RPH3A: variants seen among roughly 807,000 people sequenced by gnomAD.
The protein encoded by RPH3A is rabphilin 3A, also known as rabphilin-3A.
Under a neutral mutation model 102.2 loss-of-function variants are expected in RPH3A, and 48 were observed. The observed-to-expected ratio is 0.47, with a 90% confidence interval of 0.37 to 0.60. The LOEUF is 0.60. Ranked by LOEUF, RPH3A falls within the 20% of genes least tolerant of loss-of-function variation. The pLI is 0.00. For synonymous variants in RPH3A, 310 were observed against 324.3 expected, an observed-to-expected ratio of 0.96 and a Z score of 0.47; for missense variants, 781 against 910.1, an observed-to-expected ratio of 0.86 and a Z score of 1.83.
chr12:112,760,108 A>G (rs920790406), intron 1 of RPH3A, among the ~76,000 whole-genome samples: 1 of 152,134 alleles, frequency 6.6e-6, no homozygotes, highest in Non-Finnish European at 1.5e-5. Context: ...AATAAGATAA[A>G]ACACACATTG....
At chr12:112,659,288 C>G (rs955107408) in intron 1 of RPH3A, among the ~76,000 whole-genome samples, 2 of 152,212 alleles carry the variant, frequency 1.3e-5, no homozygotes, top group Non-Finnish European at 2.9e-5. Context: ...AATCAGGCAT[C>G]ACATTTACTT....
intron 4 of RPH3A, among the ~76,000 whole-genome samples, chr12:112,843,083 C>T (rs530090060): frequency 2.6e-5 from 4 of 152,268 alleles, no homozygotes; most frequent in Middle Eastern, 3.4e-3. Flanking sequence ...TCTCCGGCTT[C>T]GGTCTTTAAC....
intron 2 of RPH3A, among the ~76,000 whole-genome samples, chr12:112,823,851 G>C (rs1014224994): frequency 2.0e-5 from 3 of 152,182 alleles, no homozygotes; most frequent in Admixed American, 6.5e-5. Context: ...TCCTCATGAA[G>C]AGTTGGCTTT....
intron 1 of RPH3A, among the ~76,000 whole-genome samples, chr12:112,727,442 TACACACACAGACACAGACAC>T (rs1228960757): frequency 3.2e-5 from 3 of 93,828 alleles, no homozygotes; most frequent in African/African-American, 4.3e-5. Context: ...CACACATACA[TACACACACAGACACAGACAC>T]ACACACACAC....
chr12:112,844,221 C>G (rs904311603), intron 4 of RPH3A, among the ~76,000 whole-genome samples: 1 of 152,160 alleles, frequency 6.6e-6, no homozygotes, highest in African/African-American at 2.4e-5. Context: ...AGCTGTCACT[C>G]TTGGGATCAC....
At chr12:112,826,750 T>C (rs1343912358) in intron 2 of RPH3A, among the ~76,000 whole-genome samples, 1 of 152,234 alleles carries the variant, frequency 6.6e-6, no homozygotes, top group Admixed American at 6.5e-5. Flanking sequence ...ATCCATGGTG[T>C]TACATGCGCT....
intron 1 of RPH3A, among the ~76,000 whole-genome samples, chr12:112,679,994 A>G (rs1382289597): frequency 6.6e-6 from 1 of 152,242 alleles, no homozygotes; most frequent in African/African-American, 2.4e-5. Flanking sequence ...CGAGATGTGC[A>G]GGACAATGGG....
chr12:112,866,925 G>A, intron 7 of RPH3A, 85 bp downstream of exon 7: 1 of 985,694 alleles, frequency 1.0e-6, no homozygotes, highest in African/African-American at 1.6e-5. Context: ...TTGTATGAAA[G>A]GACCCAGCTC....
intron 4 of RPH3A, among the ~76,000 whole-genome samples, chr12:112,845,202 A>G (rs766372554): frequency 1.3e-5 from 2 of 152,162 alleles, no homozygotes; most frequent in Admixed American, 6.5e-5. Context: ...GGACCATCCT[A>G]GAGGCTGGCC....
chr12:112,795,907 A>G (rs2041218842), intron 2 of RPH3A, among the ~76,000 whole-genome samples: 1 of 152,236 alleles, frequency 6.6e-6, no homozygotes, highest in African/African-American at 2.4e-5. Context: ...TGATGGTAAC[A>G]GTGAAATCAC....
chr12:112,874,081 A>C (rs532178130), intron 10 of RPH3A: 3 of 152,172 alleles, frequency 2.0e-5, no homozygotes, highest in Non-Finnish European at 4.4e-5. Context: ...GTGGTAAAGC[A>C]CCTTTTGTTA....
At position 112,866,774 on chromosome 12, in the gene RPH3A, C is replaced by T. The variant is rs138324896; in HGVS notation, c.378C>T (p.Cys126=). ...EDCKKNVCTK[C]GVETNNRLHS... is the part of the protein sequence containing the mutation. The stretch of plus-strand genomic sequence containing the variant: ...ATCCACAGAACGTCTGCACCAAGTG[C>T]GGAGTGGAGACCAACAACCGCCTGC... The change falls in exon 7 of 22, where the codon TGC becomes TGT. Residue 126 remains cysteine, a synonymous_variant. Coordinates refer to ENST00000389385, the MANE Select transcript of RPH3A (RefSeq NM_001143854.2). 278 of 1,608,882 alleles carry T rather than the reference C, an allele frequency of 1.7e-4. 1 individual carries two copies. The highest frequency in any genetic ancestry group is 4.2e-4 in the East Asian group (19 of 44,844).
At chr12:112,637,810 A>G (rs2039858829) in intron 1 of RPH3A, among the ~76,000 whole-genome samples, 1 of 152,132 alleles carries the variant, frequency 6.6e-6, no homozygotes, top group African/African-American at 2.4e-5. Flanking sequence ...GCCCGAAGGC[A>G]GAAGCTTCTG....
At chr12:112,652,885 G>T (rs771753416) in intron 1 of RPH3A, among the ~76,000 whole-genome samples, 27 of 152,082 alleles carry the variant, frequency 1.8e-4, no homozygotes, top group Non-Finnish European at 3.8e-4. Context: ...TGATTTCGTT[G>T]TCATTTGACT....
chr12:112,685,876 C>G (rs2040259942), intron 1 of RPH3A, among the ~76,000 whole-genome samples: 1 of 152,240 alleles, frequency 6.6e-6, no homozygotes, highest in Admixed American at 6.5e-5. Flanking sequence ...CTGTGATCAA[C>G]TGGCAGATTT....
upstream of RPH3A, among the ~76,000 whole-genome samples, chr12:112,789,068 G>A (rs114992497): frequency 1.3e-5 from 2 of 152,316 alleles, no homozygotes; most frequent in South Asian, 2.1e-4. Flanking sequence ...TGAGGCATGA[G>A]AACGTCTTGA....
intron 1 of RPH3A, among the ~76,000 whole-genome samples, chr12:112,770,829 G>T (rs527541965): frequency 6.6e-6 from 1 of 152,226 alleles, no homozygotes; most frequent in African/African-American, 2.4e-5. Flanking sequence ...TACCCCCAAC[G>T]GTAGTGTGGT....
Position 112,895,676 on chromosome 12 carries a change from G to A in RPH3A, c.1858-101G>A. ...CTTGCTCCCAGAATGCCAGCTCAAG[G>A]ACCTCTCCTTGGCCCATAACCCCTA... On this transcript the variant is annotated intron_variant, in intron 20 of 21. Coordinates refer to ENST00000389385, the MANE Select transcript of RPH3A (RefSeq NM_001143854.2). 2 of 736,962 alleles carry A rather than the reference G, an allele frequency of 2.7e-6. 1 individual carries two copies. The highest frequency in any genetic ancestry group is 3.2e-5 in the South Asian group (2 of 61,718). 45.7% of individuals were successfully genotyped at this position (736,962 alleles called of 1,614,324 possible). A position where few individuals can be genotyped will look rare whatever the true frequency, so the allele number is the denominator to read the frequency against.
chr12:112,866,790 A>G lies in RPH3A; in HGVS notation c.394A>G (p.Asn132Asp). ...CACCAAGTGCGGAGTGGAGACCAAC[A>G]ACCGCCTGCATTCTGTGTGGCTCTG... is the stretch of plus-strand genomic sequence containing the variant. Reference protein sequence around the residue: ...VCTKCGVETNNRLHSVWLCKI... With the variant: ...VCTKCGVETNDRLHSVWLCKI... The change falls in exon 7 of 22, where the codon AAC becomes GAC. Residue 132 changes from asparagine to aspartate, a missense_variant. Physicochemically the swap from Asn to Asp is conservative, Grantham distance 23 (BLOSUM62 1). Around this residue, in one of 2 missense-constraint regions of RPH3A, gnomAD observed 730 missense variants for 810.0 expected, o/e 0.90. Transcript: ENST00000389385. 1 of 1,611,034 alleles carries G rather than the reference A, an allele frequency of 6.2e-7. No individual in the cohort carries two copies. The highest frequency in any genetic ancestry group is 8.5e-7 in the Non-Finnish European group (1 of 1,178,164).
Sources: gnomAD v4.1 joint callset for allele counts (sites outside exome capture counted in the v4.1 genomes callset) on GRCh38, gnomAD v4.1.1 for gene constraint, gnomAD v4.1.1 regional missense constraint, MANE v1.5 for transcripts, NCBI Gene and HGNC (gene_info 2026-07-23, HGNC 2026-07-21) for gene names.